PCNX2: variants seen among roughly 807,000 people sequenced by gnomAD.
The protein encoded by PCNX2 is pecanex-like protein 2.
A neutral mutation model predicts 223.8 loss-of-function variants in PCNX2; 168 were observed. The observed-to-expected ratio is 0.75, with a 90% confidence interval of 0.66 to 0.85. PCNX2 has a LOEUF of 0.85. Among genes scored for constraint, PCNX2 ranks in the 40% least tolerant of loss-of-function variants. The pLI is 0.00. For synonymous variants in PCNX2, 1,006 were observed against 1,052.6 expected (o/e 0.96, Z 0.86); for missense variants, 2,507 against 2,675.5 (o/e 0.94, Z 1.39).
intron 15 of PCNX2, among the ~76,000 whole-genome samples, chr1:233,186,845 G>A (rs778504033): frequency 6.6e-6 from 1 of 152,040 alleles, no homozygotes; most frequent in Non-Finnish European, 1.5e-5. Context: ...CGGGTCCCAC[G>A]TATCCAAGTC....
At chr1:233,247,129 G>A (rs1344756670) in intron 8 of PCNX2, among the ~76,000 whole-genome samples, 2 of 152,214 alleles carry the variant, frequency 1.3e-5, no homozygotes, top group African/African-American at 4.8e-5. Context: ...ACGGACATAG[G>A]ACTGACTCGT....
intron 12 of PCNX2, among the ~76,000 whole-genome samples, chr1:233,210,292 T>G (rs1038562534): frequency 6.6e-6 from 1 of 152,174 alleles, no homozygotes; most frequent in African/African-American, 2.4e-5. Flanking sequence ...CCACTTTTTT[T>G]TTGAGACCGA....
At chr1:233,099,593 T>A (rs1310005911) in intron 21 of PCNX2, among the ~76,000 whole-genome samples, 1 of 152,230 alleles carries the variant, frequency 6.6e-6, no homozygotes, top group African/African-American at 2.4e-5. Context: ...AGAGACATGA[T>A]CCAGGTTTAA....
chr1:233,294,539 A>G (rs1661954878), intron 1 of PCNX2, among the ~76,000 whole-genome samples: 1 of 152,256 alleles, frequency 6.6e-6, no homozygotes. Flanking sequence ...TGTTAGGAAT[A>G]AAGTCCTCCA....
the PCNX2 span, among the ~76,000 whole-genome samples, chr1:233,315,815 T>A: frequency 2.1e-4 from 32 of 151,956 alleles, no homozygotes; most frequent in African/African-American, 4.1e-4. Flanking sequence ...TAACCTTTTT[T>A]TAAAAAAAAA....
chr1:233,172,489 C>T, intron 17 of PCNX2: 1 of 985,412 alleles, frequency 1.0e-6, no homozygotes, highest in Non-Finnish European at 1.2e-6. Flanking sequence ...GCTTGCACTT[C>T]CTGGTGTGGA....
Position 233,262,109 on chromosome 1 carries a change from G to T in PCNX2, c.416C>A (p.Thr139Lys). ...TCTGGAGCTGCAGCGGAGGGGAGGC[G>T]TGGAGAGGTTTCGACTGGCCTCTTC... ...KKEEASRNLS[T>K]PPLRCSSRGQ... Residue 139 changes from threonine to lysine, a missense_variant, in exon 3 of 34, where the codon ACG becomes AAG. Thr to Lys is a moderately conservative substitution (Grantham distance 78). Transcript: ENST00000258229. The T allele has an allele frequency of 6.2e-7, 1 of 1,613,848 alleles. No individual in the cohort carries two copies. The highest frequency in any genetic ancestry group is 1.1e-5 in the South Asian group (1 of 91,084).
At chr1:233,167,670 T>C (rs1427191688) in intron 17 of PCNX2, 1 of 896,766 alleles carries the variant, frequency 1.1e-6, no homozygotes. Flanking sequence ...TGACATTGTG[T>C]TATATACTTT....
chr1:233,032,368 G>T (rs994692390), intron 25 of PCNX2, among the ~76,000 whole-genome samples: 1 of 152,158 alleles, frequency 6.6e-6, no homozygotes, highest in African/African-American at 2.4e-5. Context: ...CTCCCAAAGT[G>T]CTGGGATTAC....
chr1:233,288,719 C>T, intron 1 of PCNX2: 1 of 576,564 alleles, frequency 1.7e-6, no homozygotes, highest in Non-Finnish European at 3.0e-6. Flanking sequence ...AATTGAGAGA[C>T]AACTGCATGG....
chr1:233,097,078 T>C (rs1332607477), intron 21 of PCNX2, among the ~76,000 whole-genome samples: 1 of 152,148 alleles, frequency 6.6e-6, no homozygotes, highest in Non-Finnish European at 1.5e-5. Flanking sequence ...GGGTAGGCCA[T>C]AGTATATGAA....
chr1:233,185,754 G>A (rs79304110), intron 15 of PCNX2, among the ~76,000 whole-genome samples: 15,196 of 152,164 alleles, frequency 0.1, 952 homozygotes, highest in East Asian at 0.31. Context: ...TAAATGGTCT[G>A]TTGCCCACAG....
intron 8 of PCNX2, among the ~76,000 whole-genome samples, chr1:233,242,981 A>G (rs1432366178): frequency 1.3e-5 from 2 of 152,198 alleles, no homozygotes; most frequent in Non-Finnish European, 2.9e-5. Context: ...TTTCTGGGGA[A>G]AGCAGAACTG....
chr1:233,195,016 CAAAA>C (rs574552463), intron 15 of PCNX2, among the ~76,000 whole-genome samples: 1 of 63,374 alleles, frequency 1.6e-5, no homozygotes. Context: ...GATTCCATCT[CAAAA>C]AAAAAAAAAA....
chr1:233,221,957 AT>A (rs951783961), intron 10 of PCNX2, among the ~76,000 whole-genome samples: 7 of 152,376 alleles, frequency 4.6e-5, no homozygotes, highest in Admixed American at 4.6e-4. Flanking sequence ...CTGCTTTGAC[AT>A]CAGTGAACAA....
At position 232,985,671 on chromosome 1, in the gene PCNX2, G is replaced by A. The variant is rs144309393; in HGVS notation, c.6240+421C>T. On this transcript the variant is annotated intron_variant, in intron 33 of 33. Transcript: ENST00000258229. The stretch of plus-strand genomic sequence containing the variant: ...ATCTCAGCAGCTTTAAAGTCAAATC[G>A]ATTGGCTGAGAAGCAGTGAAGCTCT... The A allele has an allele frequency of 7.9e-4, 326 of 414,992 alleles. 1 individual carries two copies. In the East Asian group the frequency reaches 8.4e-3, roughly 11 times the overall value. The allele number at this position is 414,992 out of a possible 1,614,324, so 25.7% of individuals were successfully genotyped here.
chr1:233,295,452 G>A lies in PCNX2; in HGVS notation c.27C>T (p.Leu9=), dbSNP rs1252631865. The change falls in exon 1 of 34, where the codon CTC becomes CTT. Residue 9 remains leucine, a synonymous_variant. Coordinates refer to ENST00000258229, the MANE Select transcript of PCNX2 (RefSeq NM_014801.4). This position sits in a 1 kb window ranked among gnomAD's most constrained non-coding sequence, Gnocchi z 4.1. MVSQVLQL[L]RQGVWAALTG... is the part of the protein sequence containing the mutation. ...TGAGCGCGGCCCACACGCCCTGCCG[G>A]AGCAGCTGCAGCACCTGGGACACCA... is the stretch of plus-strand genomic sequence containing the variant. 2 of 1,550,678 alleles carry A rather than the reference G, an allele frequency of 1.3e-6. No individual in the cohort carries two copies. The highest frequency in any genetic ancestry group is 1.7e-6 in the Non-Finnish European group (2 of 1,146,972).
intron 19 of PCNX2, among the ~76,000 whole-genome samples, chr1:233,151,520 T>A (rs1176843744): frequency 1.3e-5 from 2 of 152,222 alleles, no homozygotes; most frequent in South Asian, 4.1e-4. Flanking sequence ...CTACTGACCA[T>A]TCATTTTAGC....
chr1:233,276,815 A>G (rs12129938), intron 1 of PCNX2, among the ~76,000 whole-genome samples: 31,025 of 152,214 alleles, frequency 0.2, 3,249 homozygotes, highest in South Asian at 0.26. Flanking sequence ...GTACTGTTCC[A>G]TATTCTGTGC....
Sources: allele counts gnomAD v4.1 joint callset (sites outside exome capture counted in the v4.1 genomes callset), GRCh38; gene constraint gnomAD v4.1.1; non-coding constraint Gnocchi (gnomAD v3.1); transcripts MANE v1.5; gene names NCBI Gene and HGNC (gene_info 2026-07-23, HGNC 2026-07-21).